The following CUX1 variants were observed in gnomAD, a reference collection of about 807,000 sequenced individuals.
CUX1 encodes the protein cut like homeobox 1.
CUX1 carries 31 observed loss-of-function variants against 158.8 expected under a neutral mutation model. The ratio of observed to expected loss-of-function variants is 0.20; its 90% CI spans 0.15 to 0.26. CUX1 has a LOEUF of 0.26. Among genes scored for constraint, CUX1 ranks in the 10% least tolerant of loss-of-function variants. CUX1 has a pLI of 1.00. For missense variants in CUX1, 1,589 were observed against 2,014.6 expected, an observed-to-expected ratio of 0.79 and a Z score of 4.04; for synonymous variants, 879 against 862.1, an observed-to-expected ratio of 1.02 and a Z score of -0.34.
intron 2 of CUX1, among the ~76,000 whole-genome samples, chr7:101,933,057 T>C (rs191175631): frequency 4.6e-5 from 7 of 152,380 alleles, no homozygotes; most frequent in African/African-American, 1.4e-4. Flanking sequence ...CCTTTTCAAG[T>C]AAATGAACTG....
At chr7:101,994,669 G>C (rs1278427626) in intron 2 of CUX1, among the ~76,000 whole-genome samples, 2 of 152,110 alleles carry the variant, frequency 1.3e-5, no homozygotes, top group Non-Finnish European at 1.5e-5. Context: ...CTGGGCTGAA[G>C]GCTTCTACTC....
intron 2 of CUX1, among the ~76,000 whole-genome samples, chr7:101,951,754 G>A (rs760586181): frequency 3.3e-5 from 5 of 152,282 alleles, no homozygotes; most frequent in South Asian, 2.1e-4. Flanking sequence ...TGATCCGCCC[G>A]CATCGGCCTC....
chr7:102,110,572 C>T (rs1554489788), intron 6 of CUX1, among the ~76,000 whole-genome samples: 1 of 152,126 alleles, frequency 6.6e-6, no homozygotes, highest in African/African-American at 2.4e-5. Context: ...GTTTATGTTA[C>T]ACTATAGTGT....
intron 8 of CUX1, among the ~76,000 whole-genome samples, chr7:102,127,043 G>T (rs1305245483): frequency 6.6e-6 from 1 of 152,136 alleles, no homozygotes; most frequent in Non-Finnish European, 1.5e-5. Flanking sequence ...CTCATCTGAC[G>T]GGAGGCAGAG....
intron 1 of CUX1, among the ~76,000 whole-genome samples, chr7:101,904,326 A>C (rs538726864): frequency 2.6e-5 from 4 of 152,234 alleles, no homozygotes; most frequent in Admixed American, 6.5e-5. Flanking sequence ...GTATGTTTAT[A>C]TACTGAGAAA....
At chr7:101,982,281 C>A (rs1459179136) in intron 2 of CUX1, among the ~76,000 whole-genome samples, 2 of 152,162 alleles carry the variant, frequency 1.3e-5, no homozygotes, top group African/African-American at 4.8e-5. Context: ...GTTTTTCTCA[C>A]CAAGGTGTTA....
At chr7:101,989,417 G>A (rs536808432) in intron 2 of CUX1, among the ~76,000 whole-genome samples, 1 of 152,342 alleles carries the variant, frequency 6.6e-6, no homozygotes, top group South Asian at 2.1e-4. Context: ...ATCCTGCTGG[G>A]GTAGGTTAAT....
At chr7:101,855,951 G>C (rs189745659) in intron 1 of CUX1, among the ~76,000 whole-genome samples, 4 of 151,484 alleles carry the variant, frequency 2.6e-5, no homozygotes, top group Non-Finnish European at 5.9e-5. Context: ...AGGCTGAGGC[G>C]GGAGGATCAC....
chr7:102,081,993 C>T (rs1321300627), intron 4 of CUX1, among the ~76,000 whole-genome samples: 1 of 146,218 alleles, frequency 6.8e-6, no homozygotes, highest in African/African-American at 2.4e-5. Context: ...AGCCTGGGTT[C>T]CCTTCTTTCT....
At chr7:102,101,392 G>A (rs541368592) in intron 5 of CUX1, among the ~76,000 whole-genome samples, 105 of 152,226 alleles carry the variant, frequency 6.9e-4, no homozygotes, top group Middle Eastern at 6.8e-3. Flanking sequence ...GCATCTGCCC[G>A]GGATACAGCC....
intron 8 of CUX1, among the ~76,000 whole-genome samples, chr7:102,129,897 G>T (rs1159594366): frequency 2.0e-5 from 3 of 152,152 alleles, no homozygotes; most frequent in Non-Finnish European, 2.9e-5. Context: ...CAAATTAAAA[G>T]AGGTGCCAAA....
intron 2 of CUX1, among the ~76,000 whole-genome samples, chr7:102,005,321 G>C (rs1001840491): frequency 6.6e-6 from 1 of 152,148 alleles, no homozygotes. Context: ...AGACCGGCCT[G>C]GTTTTTTGTT....
At chr7:102,155,807 T>G (rs1340556034) in intron 8 of CUX1, among the ~76,000 whole-genome samples, 1 of 152,190 alleles carries the variant, frequency 6.6e-6, no homozygotes, top group Admixed American at 6.5e-5. Flanking sequence ...GGTTTCACTT[T>G]GAGATGATAC....
At chr7:102,060,023 C>A (rs1013120931) in intron 3 of CUX1, among the ~76,000 whole-genome samples, 1 of 151,982 alleles carries the variant, frequency 6.6e-6, no homozygotes, top group African/African-American at 2.4e-5. Context: ...CGCCTGTAAT[C>A]CCAGCACTTT....
chr7:102,272,330 G>GCAC (rs1791276663), intron 14 of CUX1, among the ~76,000 whole-genome samples: 1 of 152,202 alleles, frequency 6.6e-6, no homozygotes, highest in Non-Finnish European at 1.5e-5. Flanking sequence ...AGTCCACGGA[G>GCAC]GAGGCCGCAC....
intron 11 of CUX1, among the ~76,000 whole-genome samples, chr7:102,186,014 AG>A (rs1793584945): frequency 6.6e-6 from 1 of 152,200 alleles, no homozygotes; most frequent in South Asian, 2.1e-4. Flanking sequence ...GTGACCTGAC[AG>A]GAGGAGTGCG....
intron 8 of CUX1, among the ~76,000 whole-genome samples, chr7:102,147,187 A>G (rs1235613895): frequency 1.3e-5 from 2 of 152,158 alleles, no homozygotes; most frequent in Non-Finnish European, 2.9e-5. Flanking sequence ...TGGCAGATGC[A>G]AGATGGCTTC....
At chr7:102,162,300 G>C (rs1289153593) in intron 9 of CUX1, among the ~76,000 whole-genome samples, 1 of 152,062 alleles carries the variant, frequency 6.6e-6, no homozygotes, top group Non-Finnish European at 1.5e-5. Flanking sequence ...TTCTGAGACA[G>C]TCTTGCTCTG....
chr7:102,030,517 C>T (rs1395349997), intron 3 of CUX1, among the ~76,000 whole-genome samples: 1 of 152,042 alleles, frequency 6.6e-6, no homozygotes, highest in Non-Finnish European at 1.5e-5. Context: ...CCACAAATAT[C>T]ACACCTGGGA....
Sources: allele counts gnomAD v4.1 joint callset (sites outside exome capture counted in the v4.1 genomes callset), GRCh38; gene constraint gnomAD v4.1.1; transcripts MANE v1.5; gene names NCBI Gene and HGNC (gene_info 2026-07-23, HGNC 2026-07-21).